Variants in CHP1 observed in about 807,000 individuals in gnomAD.
The protein encoded by CHP1 is calcineurin B homologous protein 1.
In CHP1, 11 loss-of-function variants were observed where a neutral mutation model predicts 27.4. The observed-to-expected ratio is 0.40, with a 90% confidence interval of 0.25 to 0.67. The LOEUF is 0.67. Among genes scored for constraint, CHP1 ranks in the 30% least tolerant of loss-of-function variants. The pLI is 0.38. For missense variants in CHP1, 169 were observed against 251.3 expected, an observed-to-expected ratio of 0.67 and a Z score of 2.22; for synonymous variants, 89 against 87.4, an observed-to-expected ratio of 1.02 and a Z score of -0.10.
In CHP1 at chr15:41,279,579, T is replaced by C. The variant is rs979986751; in HGVS notation, c.*190T>C. The C allele has an allele frequency of 1.7e-6, 1 of 585,228 alleles. No individual in the cohort carries two copies. Among genetic ancestry groups the C allele is most frequent in the African/African-American group, 1.9e-5 (1 of 53,530 alleles). The allele number at this position is 585,228 out of a possible 1,614,324, so 36.3% of individuals were successfully genotyped here. A position where few individuals can be genotyped will look rare whatever the true frequency, so the allele number is the denominator to read the frequency against. The stretch of plus-strand genomic sequence containing the variant: ...GTATAAACAGGGCATTACAGAATGG[T>C]ACACCCTATATATTTCTGTTCAGTA... On this transcript the variant is annotated 3_prime_UTR_variant, in exon 7 of 7. Coordinates refer to ENST00000334660, the MANE Select transcript of CHP1 (RefSeq NM_007236.5).
At chr15:41,254,503 C>A (rs2047388023) in intron 2 of CHP1, among the ~76,000 whole-genome samples, 1 of 152,170 alleles carries the variant, frequency 6.6e-6, no homozygotes, top group Admixed American at 6.6e-5. Context: ...AAGCTTAGTA[C>A]ATGTTTGTTG....
chr15:41,253,096 G>A (rs2047378922), intron 2 of CHP1, among the ~76,000 whole-genome samples: 1 of 151,678 alleles, frequency 6.6e-6, no homozygotes, highest in Non-Finnish European at 1.5e-5. Flanking sequence ...GCGCCACCAT[G>A]CCCAGCTAAT....
intron 4 of CHP1, chr15:41,264,017 G>A (rs1032911158): frequency 2.1e-5 from 8 of 390,122 alleles, no homozygotes; most frequent in Middle Eastern, 4.1e-4. Context: ...AGATTAGGCC[G>A]GCAGGAGGGT....
chr15:41,269,716 G>A (rs78997180), intron 4 of CHP1, among the ~76,000 whole-genome samples: 15,922 of 151,902 alleles, frequency 0.1, 1,126 homozygotes, highest in East Asian at 0.21. Context: ...CAGTGGATTC[G>A]GGCCTTTTAG....
chr15:41,265,751 A>C (rs553663711), intron 4 of CHP1, among the ~76,000 whole-genome samples: 29 of 151,976 alleles, frequency 1.9e-4, no homozygotes, highest in Non-Finnish European at 3.5e-4. Context: ...GAGGAGTGGA[A>C]CCAAATTTTA....
At chr15:41,257,538 A>T (rs2047406765) in intron 3 of CHP1, among the ~76,000 whole-genome samples, 1 of 151,664 alleles carries the variant, frequency 6.6e-6, no homozygotes, top group Admixed American at 6.6e-5. Context: ...ATCAATATTA[A>T]AAATAACTGA....
At chr15:41,239,320 GT>G (rs34584018) in intron 1 of CHP1, among the ~76,000 whole-genome samples, 37 of 145,344 alleles carry the variant, frequency 2.5e-4, no homozygotes, top group South Asian at 4.3e-4. Flanking sequence ...CTGGAAGATA[GT>G]TTTTTTTTTT....
chr15:41,252,808 C>A (rs1316856913), intron 2 of CHP1, among the ~76,000 whole-genome samples: 4 of 151,968 alleles, frequency 2.6e-5, no homozygotes, highest in Non-Finnish European at 4.4e-5. Flanking sequence ...TGACTACTAC[C>A]AGTGATACTG....
chr15:41,233,429 T>C (rs761440946), intron 1 of CHP1, among the ~76,000 whole-genome samples: 1 of 152,222 alleles, frequency 6.6e-6, no homozygotes, highest in Non-Finnish European at 1.5e-5. Flanking sequence ...ATTTTTACCA[T>C]GTGGCTTGTG....
chr15:41,238,594 CT>C (rs1281308216), intron 1 of CHP1, among the ~76,000 whole-genome samples: 2 of 151,822 alleles, frequency 1.3e-5, no homozygotes, highest in Non-Finnish European at 2.9e-5. Context: ...AATCCCAGCA[CT>C]TTAGGGCGGC....
At chr15:41,262,594 T>C (rs2140936880) in intron 3 of CHP1, among the ~76,000 whole-genome samples, 162 bp from the exon 4 acceptor site, 1 of 152,308 alleles carries the variant, frequency 6.6e-6, no homozygotes, top group East Asian at 1.9e-4. Flanking sequence ...GAGGCTTAAA[T>C]GATATGGTAC....
intron 5 of CHP1, among the ~76,000 whole-genome samples, chr15:41,271,293 T>C (rs980835366): frequency 5.0e-4 from 71 of 141,300 alleles, no homozygotes; most frequent in African/African-American, 1.8e-3. Context: ...CCGTCTGTGG[T>C]GGTGGGTGCC....
intron 4 of CHP1, among the ~76,000 whole-genome samples, chr15:41,265,100 G>A (rs888952431): frequency 4.6e-5 from 7 of 152,052 alleles, no homozygotes; most frequent in African/African-American, 1.4e-4. Flanking sequence ...GGTGGCTCAC[G>A]CCTGTAATCC....
chr15:41,246,919 C>T (rs573929866), intron 2 of CHP1, among the ~76,000 whole-genome samples: 54 of 150,420 alleles, frequency 3.6e-4, no homozygotes, highest in African/African-American at 1.2e-3. Context: ...GGTGTGGTGG[C>T]TCACACCTGT....
At chr15:41,240,477 G>A (rs2047300640) in intron 1 of CHP1, among the ~76,000 whole-genome samples, 1 of 152,154 alleles carries the variant, frequency 6.6e-6, no homozygotes, top group African/African-American at 2.4e-5. Context: ...TGAAGAGCTG[G>A]GCGCGGTGGC....
intron 1 of CHP1, among the ~76,000 whole-genome samples, chr15:41,243,363 T>TAGGAC (rs971869566): frequency 3.2e-4 from 48 of 152,076 alleles, no homozygotes; most frequent in African/African-American, 1.1e-3. Context: ...TGGGATAGGA[T>TAGGAC]AGGACAGGAC....
chr15:41,243,295 G>A (rs574496545), intron 1 of CHP1, among the ~76,000 whole-genome samples: 7 of 152,276 alleles, frequency 4.6e-5, no homozygotes, highest in Admixed American at 2.0e-4. Context: ...GAGTGAGATC[G>A]TGCCACTGCA....
chr15:41,233,459 A>G (rs1220554248), intron 1 of CHP1, among the ~76,000 whole-genome samples: 1 of 152,220 alleles, frequency 6.6e-6, no homozygotes, highest in African/African-American at 2.4e-5. Flanking sequence ...CTAAGTGCTC[A>G]TGGAAAAGCT....
At chr15:41,270,981 C>T (rs901624461) in intron 5 of CHP1, among the ~76,000 whole-genome samples, 2 of 152,018 alleles carry the variant, frequency 1.3e-5, no homozygotes, top group African/African-American at 4.8e-5. Flanking sequence ...ATCGGCCGGG[C>T]GCTTTGGCTC....
Sources: gnomAD v4.1 joint callset for allele counts (sites outside exome capture counted in the v4.1 genomes callset) on GRCh38, gnomAD v4.1.1 for gene constraint, MANE v1.5 for transcripts, NCBI Gene and HGNC (gene_info 2026-07-23, HGNC 2026-07-21) for gene names.